ZFPM2: variants seen among roughly 807,000 people sequenced by gnomAD.
ZFPM2 encodes zinc finger protein ZFPM2.
Under a neutral mutation model 98.6 loss-of-function variants are expected in ZFPM2, and 20 were observed. The ratio of observed to expected loss-of-function variants is 0.20; its 90% CI spans 0.14 to 0.29. ZFPM2 has a LOEUF of 0.29. Ranked by LOEUF, ZFPM2 falls within the 10% of genes least tolerant of loss-of-function variation. The pLI is 1.00. For synonymous variants in ZFPM2, 518 were observed against 502.7 expected (o/e 1.03, Z -0.41); for missense variants, 1,310 against 1,388.6 (o/e 0.94, Z 0.90).
chr8:105,418,914 T>C lies in ZFPM2; in HGVS notation c.41-230T>C, dbSNP rs1454576819. 5 of 588,014 alleles carry C rather than the reference T, an allele frequency of 8.5e-6. No homozygotes were observed. In the African/African-American group the frequency reaches 9.4e-5, roughly 11 times the overall value. The allele number at this position is 588,014 out of a possible 1,614,324, so 36.4% of individuals were successfully genotyped here. ...GGTGGGGACGCAATGGAGATGCAGG[T>C]TGCTTTCTGTGTTATAACTTCTGAC... On this transcript the variant is annotated intron_variant, in intron 1 of 7. Coordinates refer to ENST00000407775, the MANE Select transcript of ZFPM2 (RefSeq NM_012082.4).
intron 1 of ZFPM2, among the ~76,000 whole-genome samples, chr8:105,412,812 G>A (rs560342151): frequency 6.6e-6 from 1 of 151,832 alleles, no homozygotes; most frequent in East Asian, 1.9e-4. Context: ...TGTGGGATAT[G>A]CATGAGACAA....
chr8:105,479,172 A>G (rs919448398), intron 3 of ZFPM2, among the ~76,000 whole-genome samples: 3 of 152,188 alleles, frequency 2.0e-5, no homozygotes, highest in African/African-American at 7.2e-5. Context: ...CATTGACCCA[A>G]TGCTACGATA....
Position 105,802,613 on chromosome 8 carries a change from C to T in ZFPM2, c.2531C>T (p.Thr844Ile). ...KKCLSQSERT[T>I]TSPKRLLDYH... ...TGTTTATCTCAGTCTGAGCGGACGA[C>T]CACGTCTCCCAAAAGGCTGCTGGAC... is the stretch of plus-strand genomic sequence containing the variant. The change falls in exon 8 of 8, where the codon ACC becomes ATC. Residue 844 changes from threonine (T) to isoleucine (I), a missense_variant. By Grantham distance (89) the Thr-to-Ile change is moderately conservative (BLOSUM62 -1). Coordinates refer to ENST00000407775, the MANE Select transcript of ZFPM2 (RefSeq NM_012082.4). The T allele has an allele frequency of 1.2e-6, 2 of 1,610,546 alleles. No individual in the cohort carries two copies. The highest frequency in any genetic ancestry group is 1.7e-6 in the Non-Finnish European group (2 of 1,178,368).
At chr8:105,769,023 A>T (rs1327134551) in intron 5 of ZFPM2, among the ~76,000 whole-genome samples, 1 of 151,962 alleles carries the variant, frequency 6.6e-6, no homozygotes, top group Non-Finnish European at 1.5e-5. Context: ...AGAGATTTGC[A>T]AGTCCTGTCT....
intron 3 of ZFPM2, among the ~76,000 whole-genome samples, chr8:105,537,355 TA>T (rs1814474825): frequency 6.6e-6 from 1 of 152,150 alleles, no homozygotes; most frequent in African/African-American, 2.4e-5. Context: ...TGGTAGAAAA[TA>T]AAAGTTAAGA....
At chr8:105,701,602 C>A (rs1408049730) in intron 5 of ZFPM2, among the ~76,000 whole-genome samples, 2 of 152,104 alleles carry the variant, frequency 1.3e-5, no homozygotes, top group Admixed American at 1.3e-4. Context: ...CATCTTCAGA[C>A]GTACCATTAA....
At chr8:105,559,887 C>G (rs1399400612) in intron 3 of ZFPM2, among the ~76,000 whole-genome samples, 1 of 151,996 alleles carries the variant, frequency 6.6e-6, no homozygotes, top group Admixed American at 6.6e-5. Context: ...TCATATGTTA[C>G]CTGTCATGAC....
chr8:105,436,062 T>C (rs114965069), intron 2 of ZFPM2, among the ~76,000 whole-genome samples: 146 of 152,294 alleles, frequency 9.6e-4, no homozygotes, highest in African/African-American at 3.3e-3. Context: ...CAGTAAGTTA[T>C]GGTAAAAAGA....
chr8:105,380,649 A>ATATATTATATATAACATATATAT (rs1810838282), intron 1 of ZFPM2, among the ~76,000 whole-genome samples: 1 of 31,098 alleles, frequency 3.2e-5, no homozygotes. Flanking sequence ...TATATATTAT[A>ATATATTATATATAACATATATAT]TATATATATT....
intron 5 of ZFPM2, among the ~76,000 whole-genome samples, chr8:105,786,463 G>C (rs754274081): frequency 2.4e-4 from 36 of 152,138 alleles, no homozygotes; most frequent in Non-Finnish European, 5.0e-4. Flanking sequence ...CGAATGATTT[G>C]AAAGATTAAA....
intron 3 of ZFPM2, among the ~76,000 whole-genome samples, chr8:105,452,783 G>T (rs1812513769): frequency 6.6e-6 from 1 of 151,616 alleles, no homozygotes; most frequent in South Asian, 2.1e-4. Flanking sequence ...AAAACAAAAC[G>T]ACAAACAAAC....
At chr8:105,790,955 T>G (rs1360973755) in intron 6 of ZFPM2, among the ~76,000 whole-genome samples, 1 of 152,248 alleles carries the variant, frequency 6.6e-6, no homozygotes, top group African/African-American at 2.4e-5. Flanking sequence ...CCTGAGACTT[T>G]GCTGAAGTTG....
chr8:105,600,604 T>A (rs1406035718), intron 4 of ZFPM2, among the ~76,000 whole-genome samples: 2 of 152,122 alleles, frequency 1.3e-5, no homozygotes, highest in Non-Finnish European at 2.9e-5. Context: ...AATGCTATAG[T>A]TAATGCAAGT....
intron 1 of ZFPM2, among the ~76,000 whole-genome samples, chr8:105,417,563 C>T (rs907904155): frequency 1.3e-5 from 2 of 152,132 alleles, no homozygotes; most frequent in Non-Finnish European, 2.9e-5. Flanking sequence ...TAATTTGTCT[C>T]TTGAAATTAT....
chr8:105,566,766 A>G (rs1409982329), intron 4 of ZFPM2, among the ~76,000 whole-genome samples: 3 of 152,202 alleles, frequency 2.0e-5, no homozygotes, highest in Non-Finnish European at 4.4e-5. Context: ...TTAAATAGAA[A>G]GCCCCAGATT....
At chr8:105,649,866 C>A (rs993607059) in intron 5 of ZFPM2, among the ~76,000 whole-genome samples, 1 of 152,082 alleles carries the variant, frequency 6.6e-6, no homozygotes, top group Non-Finnish European at 1.5e-5. Context: ...TCTCTGCCAG[C>A]CTTTGGTATC....
At chr8:105,604,000 T>G (rs1408385792) in intron 4 of ZFPM2, among the ~76,000 whole-genome samples, 1 of 151,972 alleles carries the variant, frequency 6.6e-6, no homozygotes, top group Non-Finnish European at 1.5e-5. Flanking sequence ...GGCTTTAACT[T>G]CCATGTTAAA....
At chr8:105,717,070 C>T (rs1273644469) in intron 5 of ZFPM2, among the ~76,000 whole-genome samples, 11 of 151,978 alleles carry the variant, frequency 7.2e-5, no homozygotes, top group African/African-American at 2.4e-4. Flanking sequence ...CCAGCAGCAC[C>T]TGCCCAGAAG....
intron 4 of ZFPM2, among the ~76,000 whole-genome samples, chr8:105,615,038 A>C (rs1476535225): frequency 6.6e-6 from 1 of 152,100 alleles, no homozygotes; most frequent in Non-Finnish European, 1.5e-5. Flanking sequence ...GATTTGGCCC[A>C]AAAAGGAAAT....
Sources: gnomAD v4.1 joint callset for allele counts (sites outside exome capture counted in the v4.1 genomes callset) on GRCh38, gnomAD v4.1.1 for gene constraint, MANE v1.5 for transcripts, NCBI Gene and HGNC (gene_info 2026-07-23, HGNC 2026-07-21) for gene names.